COL18A1: variants seen among roughly 807,000 people sequenced by gnomAD.
The protein encoded by COL18A1 is collagen type XVIII alpha 1 chain.
In COL18A1, 133 loss-of-function variants were observed where a neutral mutation model predicts 168.0. The observed-to-expected ratio is 0.79, with a 90% confidence interval of 0.69 to 0.91. The LOEUF is 0.91. Among genes scored for constraint, COL18A1 ranks in the 40% least tolerant of loss-of-function variants. COL18A1 has a pLI of 0.00. For missense variants in COL18A1, 2,126 were observed against 1,925.4 expected (o/e 1.10, Z -1.95); for synonymous variants, 949 against 809.0 (o/e 1.17, Z -2.94).
At chr21:45,491,437 T>C in intron 22 of COL18A1, 123 bp downstream of exon 22, 1 of 633,126 alleles carries the variant, frequency 1.6e-6, no homozygotes, top group Admixed American at 2.3e-5. Flanking sequence ...TGACTGCCAG[T>C]CTACACTCCA....
chr21:45,439,713 G>GTCCTGT (rs1555973477), intron 2 of COL18A1, among the ~76,000 whole-genome samples: 1 of 146,114 alleles, frequency 6.8e-6, no homozygotes, highest in Non-Finnish European at 1.6e-5. Flanking sequence ...CAGCCTGGGC[G>GTCCTGT]GCTTTGGGCG....
rs147536088 is a variant in COL18A1, at chr21:45,489,713, G to A, written c.1959+192G>A. Among the ~76,000 whole-genome samples, 11 of 151,978 alleles carry A rather than the reference G, an allele frequency of 7.2e-5. No individual in the cohort carries two copies. In the East Asian group the frequency reaches 2.1e-3, roughly 30 times the overall value. ...CCACCTGCAGGGCACCCAACCCCAG[G>A]GCACCCCCAGGTTTGACTGCGTCAG... On this transcript the variant is annotated intron_variant, in intron 19 of 41. Transcript: ENST00000651438.
intron 2 of COL18A1, among the ~76,000 whole-genome samples, chr21:45,452,690 T>G (rs896808870): frequency 6.8e-6 from 1 of 146,754 alleles, no homozygotes; most frequent in Admixed American, 6.7e-5. Flanking sequence ...TGTGAGCATG[T>G]ATGTGAGTTT....
At chr21:45,501,975 C>A (rs1176190449) in intron 32 of COL18A1, among the ~76,000 whole-genome samples, 6 of 83,096 alleles carry the variant, frequency 7.2e-5, no homozygotes, top group African/African-American at 3.2e-4. Context: ...GGTCACCTCC[C>A]TCTGCAGAAG....
intron 32 of COL18A1, among the ~76,000 whole-genome samples, chr21:45,500,064 G>A (rs1317506841): frequency 2.7e-5 from 4 of 148,688 alleles, no homozygotes; most frequent in Non-Finnish European, 4.5e-5. Flanking sequence ...CCAGAGGCTG[G>A]TGTGGGTTTG....
intron 4 of COL18A1, among the ~76,000 whole-genome samples, chr21:45,474,430 G>GTCTGTGGTGTGTC (rs2035561762): frequency 7.0e-6 from 1 of 143,376 alleles, no homozygotes; most frequent in Non-Finnish European, 1.5e-5. Context: ...TGTCGTGTGT[G>GTCTGTGGTGTGTC]TCTGTGGTGT....
At chr21:45,462,642 A>G (rs2035083115) in intron 2 of COL18A1, among the ~76,000 whole-genome samples, 1 of 152,152 alleles carries the variant, frequency 6.6e-6, no homozygotes, top group Admixed American at 6.5e-5. Flanking sequence ...TTGTTCATAC[A>G]TCACTTTCTT....
chr21:45,408,412 C>CCA (rs1332143598), intron 2 of COL18A1: 2 of 152,314 alleles, frequency 1.3e-5, no homozygotes, highest in African/African-American at 2.4e-5. Flanking sequence ...CATGCTGCAT[C>CCA]CACACAAAGT....
At position 45,481,368 on chromosome 21, in the gene COL18A1, T is replaced by C. The variant is rs1025425178; in HGVS notation, c.1611+510T>C. On this transcript the variant is annotated intron_variant, in intron 13 of 41. Transcript: ENST00000651438. Reference sequence around the variant, plus strand: ...GCCACACATGATGGGCAGCAGGTCATGACTGGCAGCAGGTGCAGACGTGGC... The same window carrying C: ...GCCACACATGATGGGCAGCAGGTCACGACTGGCAGCAGGTGCAGACGTGGC... Among the ~76,000 whole-genome samples, 4 of 152,214 alleles carry C rather than the reference T, an allele frequency of 2.6e-5. No individual in the cohort carries two copies. In the East Asian group the frequency reaches 7.7e-4, roughly 29 times the overall value.
rs552194957 is a variant in COL18A1, at chr21:45,476,261, G to C, written c.799-90G>C. 1,366 of 1,573,222 alleles carry C rather than the reference G, an allele frequency of 8.7e-4. 16 individuals are homozygous for C. In the East Asian group the frequency reaches 0.014, roughly 16 times the overall value. ...GAGGATTTTTCTTTATCTTTCTTGC[G>C]ATCTTAAGTATTTCATTTCACAAAC... On this transcript the variant is annotated intron_variant, in intron 5 of 41. Transcript: ENST00000651438.
chr21:45,502,985 T>TGAA (rs2036944357), intron 32 of COL18A1: 1 of 152,098 alleles, frequency 6.6e-6, no homozygotes, highest in African/African-American at 2.4e-5. Context: ...CAATTAAAAA[T>TGAA]GAAGTTTTAA....
chr21:45,453,568 A>C (rs2034704146), intron 2 of COL18A1, among the ~76,000 whole-genome samples: 1 of 152,168 alleles, frequency 6.6e-6, no homozygotes, highest in Non-Finnish European at 1.5e-5. Flanking sequence ...AGGAGGTTAA[A>C]CGTGCGATGC....
In COL18A1 at chr21:45,457,645, G is replaced by A. The variant is rs1475135824; in HGVS notation, c.107-10597G>A. Among the ~76,000 whole-genome samples the A allele has an allele frequency of 6.6e-6, 1 of 152,202 alleles. No homozygotes were observed. The highest frequency in any genetic ancestry group is 1.5e-5 in the Non-Finnish European group (1 of 68,036). On this transcript the variant is annotated intron_variant, in intron 2 of 41. Transcript: ENST00000651438. The surrounding 1 kb of genome is among the most constrained non-coding windows in gnomAD (Gnocchi z 4.6). ...GCAGATCCCTCCTCTGTGTCCGGGA[G>A]TAGACGGGGCCCCTGAGCTGTGCCT...
In COL18A1 at chr21:45,479,982, G is replaced by A. The variant is rs369997916; in HGVS notation, c.1311+18G>A. The A allele has an allele frequency of 7.3e-5, 118 of 1,613,748 alleles. 1 individual carries two copies. In the African/African-American group the frequency reaches 1.3e-3, roughly 18 times the overall value. ...GCGACAAGGTGAGTCTCCGTGGCTG[G>A]GTGGGGCCCCTTCCTGTGTTGGCCC... On this transcript the variant is annotated intron_variant, in intron 10 of 41. Coordinates refer to ENST00000651438, the MANE Select transcript of COL18A1 (RefSeq NM_001379500.1).
chr21:45,418,445 C>G (rs1489537128), intron 2 of COL18A1, among the ~76,000 whole-genome samples: 1 of 152,174 alleles, frequency 6.6e-6, no homozygotes, highest in African/African-American at 2.4e-5. Flanking sequence ...GTGGCAGGAG[C>G]TGGTGGCCTG....
chr21:45,496,098 C>CATGCCCTCT (rs796856699), intron 29 of COL18A1: 85 of 371,130 alleles, frequency 2.3e-4, no homozygotes, highest in African/African-American at 6.1e-4. Flanking sequence ...CTATGCCCTC[C>CATGCCCTCT]ATGCCCTCCA....
In COL18A1 at chr21:45,423,483, G is replaced by GCCCCCCC. The variant is rs2033688146; in HGVS notation, c.106+18013_106+18014insCCCCCCC. On this transcript the variant is annotated intron_variant, in intron 2 of 41. Coordinates refer to ENST00000651438, the MANE Select transcript of COL18A1 (RefSeq NM_001379500.1). The surrounding 1 kb of genome is among the most constrained non-coding windows in gnomAD (Gnocchi z 4.0). ...AAGCTGTGTCCACACACAGCTGGGC[G>GCCCCCCC]CCCGCCCCCCGCCCCCCGCCCCCCG... 6.7e-6 allele frequency among the ~76,000 whole-genome samples: 1 copy of GCCCCCCC among 150,098 alleles called. No individual in the cohort carries two copies. Among genetic ancestry groups the GCCCCCCC allele is most frequent in the African/African-American group, 2.4e-5 (1 of 40,946 alleles).
intron 33 of COL18A1, 40 bp from the exon 34 acceptor site, chr21:45,504,376 G>A (rs1219478154): frequency 1.3e-6 from 2 of 1,597,202 alleles, no homozygotes. Context: ...TGGCTTGTAG[G>A]GGTTCAGGGC....
chr21:45,462,021 C>A (rs74905192), intron 2 of COL18A1, among the ~76,000 whole-genome samples: 4,286 of 152,178 alleles, frequency 0.028, 212 homozygotes, highest in African/African-American at 0.097. Flanking sequence ...TTTTGAAGGA[C>A]AGTTTTACTG....
Sources: allele counts gnomAD v4.1 joint callset (sites outside exome capture counted in the v4.1 genomes callset), GRCh38; gene constraint gnomAD v4.1.1; non-coding constraint Gnocchi (gnomAD v3.1); transcripts MANE v1.5; gene names NCBI Gene and HGNC (gene_info 2026-07-23, HGNC 2026-07-21).